Variants in KIAA1549 observed in about 807,000 individuals in gnomAD.
KIAA1549 encodes KIAA1549.
Under a neutral mutation model 156.4 loss-of-function variants are expected in KIAA1549, and 70 were observed. That is an observed-to-expected ratio of 0.45 (90% CI 0.37 to 0.55). The LOEUF (loss-of-function observed/expected upper bound fraction) is 0.55, where lower values mean the gene tolerates loss of function less well. KIAA1549 is among the 20% of genes least tolerant of loss of function. KIAA1549 has a pLI of 0.00. For synonymous variants in KIAA1549, 1,103 were observed against 1,066.4 expected, an observed-to-expected ratio of 1.03 and a Z score of -0.67; for missense variants, 2,428 against 2,540.9, an observed-to-expected ratio of 0.96 and a Z score of 0.96.
At chr7:138,916,178 G>A (rs1480715319) in intron 2 of KIAA1549, among the ~76,000 whole-genome samples, 1 of 152,220 alleles carries the variant, frequency 6.6e-6, no homozygotes, top group African/African-American at 2.4e-5. Flanking sequence ...AGGGACCTAT[G>A]AGAGCAAAGT....
intron 5 of KIAA1549, 52 bp from the exon 6 acceptor site, chr7:138,907,154 G>T: frequency 7.4e-7 from 1 of 1,343,500 alleles, no homozygotes; most frequent in Non-Finnish European, 9.8e-7. Context: ...TCTGCTGAAA[G>T]CTTAACCATG....
intron 12 of KIAA1549, 130 bp downstream of exon 12, chr7:138,879,408 C>T: frequency 3.3e-6 from 2 of 613,156 alleles, no homozygotes; most frequent in Non-Finnish European, 5.7e-6. Flanking sequence ...TAAGAAACCA[C>T]AGGAATGATG....
intron 1 of KIAA1549, among the ~76,000 whole-genome samples, chr7:138,971,081 C>A (rs762343717): frequency 5.9e-5 from 9 of 152,164 alleles, no homozygotes; most frequent in Non-Finnish European, 1.2e-4. Context: ...ACCGCTGTGG[C>A]CTATCTTCCG....
chr7:138,967,265 T>C (rs560332379), intron 1 of KIAA1549, among the ~76,000 whole-genome samples: 49 of 151,910 alleles, frequency 3.2e-4, no homozygotes, highest in Non-Finnish European at 5.9e-4. Context: ...TAGAAGACAA[T>C]GATAAGTGTC....
intron 1 of KIAA1549, among the ~76,000 whole-genome samples, chr7:138,977,760 C>T (rs1231417998): frequency 1.3e-5 from 2 of 152,004 alleles, no homozygotes; most frequent in African/African-American, 2.4e-5. Context: ...AGTACAATGG[C>T]GCCATCTCGG....
intron 1 of KIAA1549, among the ~76,000 whole-genome samples, chr7:138,976,325 T>C (rs1017337473): frequency 2.6e-5 from 4 of 152,090 alleles, no homozygotes; most frequent in Non-Finnish European, 2.9e-5. Flanking sequence ...GATCCCAAAG[T>C]GTTGGGATTA....
rs779620701 is a variant in KIAA1549, at chr7:138,912,389, G to A, written c.2950C>T (p.Arg984Cys). The A allele has an allele frequency of 7.4e-6, 12 of 1,613,536 alleles. No homozygotes were observed. The highest frequency in any genetic ancestry group is 1.6e-4 in the Middle Eastern group (1 of 6,062). The change falls in exon 3 of 20, where the codon CGT becomes TGT. Residue 984 changes from arginine to cysteine, a missense_variant. Around this residue, in one of 5 missense-constraint regions of KIAA1549, gnomAD observed 762 missense variants for 901.6 expected, o/e 0.85. Transcript: ENST00000422774. ...GGACTCACCTTCAGTTCCACTGCAC[G>A]GTTGAAGTGAATCCTCAGTACTTCT... ...IKEVLRIHFN[R>C]AVELKVYELF...
intron 1 of KIAA1549, among the ~76,000 whole-genome samples, chr7:138,961,969 C>T (rs560634200): frequency 6.6e-6 from 1 of 152,160 alleles, no homozygotes; most frequent in South Asian, 2.1e-4. Flanking sequence ...CTGCATGCAC[C>T]TAAACCTGTA....
intron 16 of KIAA1549, among the ~76,000 whole-genome samples, 158 bp downstream of exon 16, chr7:138,860,981 A>G (rs1426680526): frequency 6.6e-6 from 1 of 152,164 alleles, no homozygotes; most frequent in African/African-American, 2.4e-5. Flanking sequence ...CAACATTAAG[A>G]ATTAATTTAG....
chr7:138,912,541 T>C (rs925750888), intron 2 of KIAA1549, 81 bp from the exon 3 acceptor site: 3 of 1,102,408 alleles, frequency 2.7e-6, no homozygotes, highest in Non-Finnish European at 2.7e-6. Context: ...ACCCCAGCAC[T>C]GTGCCAAAAT....
chr7:138,960,238 C>T (rs564275841), intron 1 of KIAA1549, among the ~76,000 whole-genome samples: 1 of 151,934 alleles, frequency 6.6e-6, no homozygotes, highest in South Asian at 2.1e-4. Flanking sequence ...GAGTTCGAGA[C>T]CAGCCTGGGC....
At chr7:138,854,626 A>G (rs1810331325) in intron 16 of KIAA1549, among the ~76,000 whole-genome samples, 1 of 152,128 alleles carries the variant, frequency 6.6e-6, no homozygotes, top group Non-Finnish European at 1.5e-5. Context: ...TTTACAATCC[A>G]TTTACAAACA....
chr7:138,931,159 T>C (rs1812859572), intron 1 of KIAA1549, among the ~76,000 whole-genome samples: 1 of 152,036 alleles, frequency 6.6e-6, no homozygotes, highest in Admixed American at 6.6e-5. Flanking sequence ...CCAGGACAAA[T>C]TACAATAGTG....
intron 17 of KIAA1549, among the ~76,000 whole-genome samples, chr7:138,849,393 T>C (rs1810171579): frequency 1.3e-5 from 2 of 152,004 alleles, no homozygotes; most frequent in African/African-American, 4.8e-5. Flanking sequence ...AGGCAAAACT[T>C]CCCCCCTAAA....
At chr7:138,954,267 T>C (rs141845471) in intron 1 of KIAA1549, among the ~76,000 whole-genome samples, 2,813 of 152,198 alleles carry the variant, frequency 0.018, 43 homozygotes, top group Non-Finnish European at 0.028. Flanking sequence ...ATTTAGAAAA[T>C]TGGGGAACCT....
intron 2 of KIAA1549, 109 bp downstream of exon 2, chr7:138,916,639 C>A: frequency 1.3e-6 from 2 of 1,500,228 alleles, no homozygotes; most frequent in Non-Finnish European, 1.8e-6. Flanking sequence ...GTTAACTGAG[C>A]CCAGCGCCTC....
In KIAA1549 at chr7:138,981,344, G is replaced by A; in HGVS notation, c.-75C>T. 1 of 587,234 alleles carries A rather than the reference G, an allele frequency of 1.7e-6. No homozygotes were observed. The highest frequency in any genetic ancestry group is 2.1e-6 in the Non-Finnish European group (1 of 468,970). 36.4% of individuals were successfully genotyped at this position (587,234 alleles called of 1,614,324 possible). A position where few individuals can be genotyped will look rare whatever the true frequency, so the allele number is the denominator to read the frequency against. On this transcript the variant is annotated 5_prime_UTR_variant, in exon 1 of 20. Transcript: ENST00000422774. This position sits in a 1 kb window ranked among gnomAD's most constrained non-coding sequence, Gnocchi z 4.5. ...CGGGAGGGGCGGCCGCTGCGGCTGC[G>A]GCTGGGACGGGGCGCCGCGCACCGG... is the stretch of plus-strand genomic sequence containing the variant.
intron 1 of KIAA1549, among the ~76,000 whole-genome samples, chr7:138,948,868 A>G (rs2130536319): frequency 1.3e-5 from 2 of 151,564 alleles, no homozygotes; most frequent in East Asian, 3.9e-4. Flanking sequence ...ATGCCTGGCT[A>G]ATTTTTTGTA....
intron 16 of KIAA1549, among the ~76,000 whole-genome samples, chr7:138,855,499 G>A (rs961918952): frequency 2.6e-5 from 4 of 152,202 alleles, no homozygotes; most frequent in Admixed American, 1.3e-4. Flanking sequence ...ATGGATTTAA[G>A]AGGAAGAATC....
Sources: allele counts gnomAD v4.1 joint callset (sites outside exome capture counted in the v4.1 genomes callset), GRCh38; gene constraint gnomAD v4.1.1; regional missense constraint gnomAD v4.1.1; non-coding constraint Gnocchi (gnomAD v3.1); transcripts MANE v1.5; gene names NCBI Gene and HGNC (gene_info 2026-07-23, HGNC 2026-07-21).